The following KCTD1 variants were observed in gnomAD, a reference collection of about 807,000 sequenced individuals.
The protein encoded by KCTD1 is potassium channel tetramerization domain containing 1, also known as BTB/POZ domain-containing protein KCTD1.
A neutral mutation model predicts 66.0 loss-of-function variants in KCTD1; 24 were observed. The observed-to-expected ratio is 0.36, with a 90% CI of 0.26 to 0.51. The LOEUF is 0.51. Among genes scored for constraint, KCTD1 ranks in the 20% least tolerant of loss-of-function variants. The pLI, the probability that KCTD1 is intolerant of heterozygous loss-of-function variation, is 0.95. For synonymous variants in KCTD1, 511 were observed against 517.2 expected, an observed-to-expected ratio of 0.99 and a Z score of 0.16; for missense variants, 943 against 1,205.2, an observed-to-expected ratio of 0.78 and a Z score of 3.22.
chr18:26,548,880 T>G, upstream of KCTD1: 1 of 996,976 alleles, frequency 1.0e-6, no homozygotes, highest in South Asian at 4.7e-5. Context: ...GGCGAAACAC[T>G]CCCAACTTAC....
chr18:26,602,592 C>T (rs1598961962), intron 1 of KCTD1, among the ~76,000 whole-genome samples: 1 of 152,172 alleles, frequency 6.6e-6, no homozygotes, highest in Non-Finnish European at 1.5e-5. Context: ...CATCCAGGTC[C>T]CTCTTCCAGA....
intron 1 of KCTD1, among the ~76,000 whole-genome samples, chr18:26,572,467 A>AT (rs1401605021): frequency 6.6e-6 from 1 of 152,232 alleles, no homozygotes; most frequent in African/African-American, 2.4e-5. Flanking sequence ...CATGAATCCG[A>AT]TTGTAACAAG....
intron 1 of KCTD1, among the ~76,000 whole-genome samples, chr18:26,501,619 A>G (rs900075062): frequency 6.6e-5 from 10 of 152,242 alleles, no homozygotes; most frequent in Admixed American, 2.0e-4. Flanking sequence ...CAAACAATAC[A>G]TATCTAAATA....
intron 1 of KCTD1, among the ~76,000 whole-genome samples, chr18:26,579,128 C>T (rs1352747619): frequency 6.6e-6 from 1 of 152,248 alleles, no homozygotes; most frequent in East Asian, 1.9e-4. Flanking sequence ...CTGCAAACTC[C>T]TTATTTGTCT....
At chr18:26,606,939 A>T (rs1364442912) in intron 1 of KCTD1, among the ~76,000 whole-genome samples, 1 of 152,118 alleles carries the variant, frequency 6.6e-6, no homozygotes. Flanking sequence ...AGCTTAGTAA[A>T]CTCCTAAACT....
intron 1 of KCTD1, among the ~76,000 whole-genome samples, chr18:26,556,412 T>C (rs1985708148): frequency 6.6e-6 from 1 of 152,200 alleles, no homozygotes; most frequent in South Asian, 2.1e-4. Flanking sequence ...CATGGTGTCA[T>C]TACTCCCAGT....
chr18:26,467,896 C>T (rs1245302603), intron 3 of KCTD1, among the ~76,000 whole-genome samples: 1 of 152,170 alleles, frequency 6.6e-6, no homozygotes, highest in African/African-American at 2.4e-5. Context: ...AAGTTGGGAG[C>T]TGCCTGCCAG....
intron 1 of KCTD1, among the ~76,000 whole-genome samples, chr18:26,595,819 TGCTTGAGACCATGA>T (rs1986752853): frequency 6.6e-6 from 1 of 152,190 alleles, no homozygotes; most frequent in Non-Finnish European, 1.5e-5. Flanking sequence ...GTGGGAGGAC[TGCTTGAGACCATGA>T]GTTCAAGACC....
At chr18:26,506,867 A>G (rs1446851984) in intron 1 of KCTD1, among the ~76,000 whole-genome samples, 3 of 152,178 alleles carry the variant, frequency 2.0e-5, no homozygotes, top group Non-Finnish European at 4.4e-5. Flanking sequence ...ATTTTAGCTA[A>G]TTTAAATTTT....
chr18:26,509,335 G>GGGCTT (rs1983216072), intron 1 of KCTD1, among the ~76,000 whole-genome samples: 1 of 151,926 alleles, frequency 6.6e-6, no homozygotes, highest in Admixed American at 6.6e-5. Flanking sequence ...TTTATTCACA[G>GGGCTT]GAGCCCCCTT....
At chr18:26,564,725 A>G (rs1342233196) in intron 1 of KCTD1, among the ~76,000 whole-genome samples, 1 of 152,054 alleles carries the variant, frequency 6.6e-6, no homozygotes, top group African/African-American at 2.4e-5. Flanking sequence ...CCCTGTCTCC[A>G]CTAAAAATAC....
chr18:26,601,789 T>C (rs1986905118), intron 1 of KCTD1, among the ~76,000 whole-genome samples: 1 of 152,360 alleles, frequency 6.6e-6, no homozygotes, highest in South Asian at 2.1e-4. Flanking sequence ...GTTTACTTAA[T>C]TTTATTATTG....
intron 1 of KCTD1, among the ~76,000 whole-genome samples, chr18:26,579,594 T>A (rs1986306806): frequency 1.3e-5 from 2 of 152,198 alleles, no homozygotes; most frequent in Admixed American, 6.5e-5. Context: ...AAGTGTAACA[T>A]AGAAATAGTT....
chr18:26,457,391 A>C (rs1028223404), intron 4 of KCTD1: 3 of 152,216 alleles, frequency 2.0e-5, no homozygotes, highest in Non-Finnish European at 4.4e-5. Context: ...CCTCAGCAAG[A>C]GGCATCCCAG....
Position 26,547,995 on chromosome 18 carries a change from C to T in KCTD1, c.542G>A (p.Arg181His). ...NTRLATRYAV[R>H]IFREYLSEKA... Reference sequence around the variant, plus strand: ...CTCGCTCAGGTACTCCCGGAAGATGCGCACGGCGTAGCGGGTGGCCAGCCG... The same window carrying T: ...CTCGCTCAGGTACTCCCGGAAGATGTGCACGGCGTAGCGGGTGGCCAGCCG... The change falls in exon 1 of 5, where the codon CGC (arginine) becomes CAC (histidine). Residue 181 changes from arginine to histidine, a missense_variant. Physicochemically the swap from Arg to His is conservative, Grantham distance 29 (BLOSUM62 0). Around this residue, in one of 10 missense-constraint regions of KCTD1, gnomAD observed 96 missense variants for 132.5 expected, o/e 0.72. Transcript: ENST00000580059. 1 of 1,535,764 alleles carries T rather than the reference C, an allele frequency of 6.5e-7. No individual in the cohort carries two copies.
intron 1 of KCTD1, among the ~76,000 whole-genome samples, chr18:26,521,223 T>C (rs1983895095): frequency 6.6e-6 from 1 of 152,224 alleles, no homozygotes; most frequent in Non-Finnish European, 1.5e-5. Context: ...ATCACAATAA[T>C]GCCAGGTGGC....
intron 1 of KCTD1, among the ~76,000 whole-genome samples, chr18:26,601,514 T>C (rs1986899660): frequency 1.3e-5 from 2 of 152,098 alleles, no homozygotes; most frequent in African/African-American, 4.8e-5. Flanking sequence ...GTGTGAGTAT[T>C]CCAACTTTGT....
rs115782426 is a variant in KCTD1 at position 26,528,259 on chromosome 18, C to T, written c.1809+18469G>A. Among the ~76,000 whole-genome samples, 1,476 of 152,194 alleles carry T rather than the reference C, an allele frequency of 9.7e-3. 26 individuals carry two copies. Among genetic ancestry groups the T allele is most frequent in the African/African-American group, 0.034 (1,408 of 41,516 alleles). On this transcript the variant is annotated intron_variant, in intron 1 of 4. Coordinates refer to ENST00000580059, the MANE Select transcript of KCTD1 (RefSeq NM_001142730.3). ...ATGAGGAACAGCCTTTAATGGGGAG[C>T]CAGGATCCTTTCTGTGGGAGTACAG...
chr18:26,531,217 G>A (rs1269304146), intron 1 of KCTD1, among the ~76,000 whole-genome samples: 1 of 152,180 alleles, frequency 6.6e-6, no homozygotes, highest in Non-Finnish European at 1.5e-5. Flanking sequence ...GAAACAGTGA[G>A]CATGGTGGCT....
Sources: allele counts gnomAD v4.1 joint callset (sites outside exome capture counted in the v4.1 genomes callset), GRCh38; gene constraint gnomAD v4.1.1; regional missense constraint gnomAD v4.1.1; transcripts MANE v1.5; gene names NCBI Gene and HGNC (gene_info 2026-07-23, HGNC 2026-07-21).